The following DPP6 variants were observed in gnomAD, a reference collection of about 807,000 sequenced individuals.
DPP6 encodes A-type potassium channel modulatory protein DPP6.
A neutral mutation model predicts 122.6 loss-of-function variants in DPP6; 69 were observed. The observed-to-expected ratio is 0.56, with a 90% CI of 0.46 to 0.69. The LOEUF (loss-of-function observed/expected upper bound fraction) is 0.69. Among genes scored for constraint, DPP6 ranks in the 30% least tolerant of loss-of-function variants. DPP6 has a pLI of 0.00. For synonymous variants in DPP6, 418 were observed against 433.1 expected (o/e 0.97, Z 0.43); for missense variants, 928 against 1,116.9 (o/e 0.83, Z 2.41).
At chr7:154,245,014 A>G (rs1376265685) in intron 1 of DPP6, among the ~76,000 whole-genome samples, 1 of 150,162 alleles carries the variant, frequency 6.7e-6, no homozygotes, top group Non-Finnish European at 1.5e-5. Context: ...ACAATGGCAC[A>G]ATCTTGGCTC....
At chr7:154,590,227 G>A (rs1274243297) in intron 5 of DPP6, among the ~76,000 whole-genome samples, 5 of 152,142 alleles carry the variant, frequency 3.3e-5, no homozygotes, top group African/African-American at 4.8e-5. Flanking sequence ...TGGCCCAGGG[G>A]AGCATCTCTA....
intron 1 of DPP6, among the ~76,000 whole-genome samples, chr7:154,199,443 T>C (rs1016848577): frequency 7.2e-5 from 11 of 152,194 alleles, no homozygotes; most frequent in Admixed American, 5.2e-4. Flanking sequence ...ATAATTGATT[T>C]GCTTAAGGGA....
chr7:153,967,218 A>G (rs1795792298), intron 1 of DPP6, among the ~76,000 whole-genome samples: 1 of 152,050 alleles, frequency 6.6e-6, no homozygotes, highest in South Asian at 2.1e-4. Flanking sequence ...TGTGCTGGGG[A>G]TGCTGGTGGC....
At chr7:154,234,096 G>C (rs62484143) in intron 1 of DPP6, among the ~76,000 whole-genome samples, 10,535 of 152,280 alleles carry the variant, frequency 0.069, 739 homozygotes, top group African/African-American at 0.17. Context: ...GCCAAGTACA[G>C]TGCTAGGTGA....
At chr7:154,820,173 G>A (rs966208719) in intron 16 of DPP6, among the ~76,000 whole-genome samples, 9 of 152,244 alleles carry the variant, frequency 5.9e-5, no homozygotes, top group Non-Finnish European at 1.2e-4. Flanking sequence ...CTGGACGAGA[G>A]TATAGCCAAC....
intron 8 of DPP6, among the ~76,000 whole-genome samples, chr7:154,749,123 G>A (rs558763916): frequency 6.0e-5 from 9 of 149,458 alleles, no homozygotes; most frequent in Non-Finnish European, 1.3e-4. Flanking sequence ...GCATAGGACC[G>A]GAAAGAGAAG....
At chr7:154,192,895 T>G (rs1021396598) in intron 1 of DPP6, among the ~76,000 whole-genome samples, 1 of 152,248 alleles carries the variant, frequency 6.6e-6, no homozygotes, top group Non-Finnish European at 1.5e-5. Flanking sequence ...AACATGTCCC[T>G]GTTGTACGGA....
intron 1 of DPP6, among the ~76,000 whole-genome samples, chr7:154,308,314 T>TAA (rs5888568): frequency 2.6e-4 from 39 of 151,370 alleles, no homozygotes; most frequent in African/African-American, 4.6e-4. Context: ...CCGTGTTTGC[T>TAA]AAAAAAAATG....
chr7:154,401,428 C>T (rs1586167824), intron 1 of DPP6, among the ~76,000 whole-genome samples: 1 of 151,896 alleles, frequency 6.6e-6, no homozygotes, highest in Non-Finnish European at 1.5e-5. Flanking sequence ...ATTTTTTGAC[C>T]CTGAGAAAAG....
At chr7:154,467,858 G>A (rs1474691259) in intron 2 of DPP6, among the ~76,000 whole-genome samples, 1 of 152,088 alleles carries the variant, frequency 6.6e-6, no homozygotes, top group East Asian at 1.9e-4. Flanking sequence ...AGAGGTTTGG[G>A]GTCTGTGAAT....
chr7:154,091,840 G>A (rs1804871814), intron 1 of DPP6, among the ~76,000 whole-genome samples: 1 of 152,130 alleles, frequency 6.6e-6, no homozygotes, highest in African/African-American at 2.4e-5. Flanking sequence ...CCAGCATTTT[G>A]TTCATCGTGC....
At chr7:154,649,823 G>C (rs1422160022) in intron 6 of DPP6, among the ~76,000 whole-genome samples, 1 of 152,182 alleles carries the variant, frequency 6.6e-6, no homozygotes, top group Non-Finnish European at 1.5e-5. Flanking sequence ...TAGGAAATAA[G>C]AGGCAGGAGG....
rs1813585154 is a variant in DPP6, at chr7:154,381,325, G to A, written c.244-64889G>A. Reference sequence around the variant, plus strand: ...TACAAAGCATTTTGAAGGAAGAGAAGGAACTAACAGTTAGTGTTGTCAGTA... The same window carrying A: ...TACAAAGCATTTTGAAGGAAGAGAAAGAACTAACAGTTAGTGTTGTCAGTA... On this transcript the variant is annotated intron_variant, in intron 1 of 25. Coordinates refer to ENST00000377770, the MANE Select transcript of DPP6 (RefSeq NM_130797.4). 2.0e-5 allele frequency among the ~76,000 whole-genome samples: 3 copies of A among 152,196 alleles called. No individual in the cohort carries two copies. The South Asian group carries it at 6.2e-4, about 31-fold the overall frequency.
At chr7:154,583,674 TGGA>T (rs1832238355) in intron 5 of DPP6, among the ~76,000 whole-genome samples, 1 of 152,136 alleles carries the variant, frequency 6.6e-6, no homozygotes, top group Admixed American at 6.5e-5. Flanking sequence ...AAGCCTCGCG[TGGA>T]GGAGATCTGC....
rs377399863 is a variant in DPP6, at chr7:154,222,579, C to T, written c.243+169516C>T. Among the ~76,000 whole-genome samples, 21 of 148,112 alleles carry T rather than the reference C, an allele frequency of 1.4e-4. 1 individual carries two copies. The highest frequency in any genetic ancestry group is 4.4e-4 in the African/African-American group (17 of 38,558). On this transcript the variant is annotated intron_variant, in intron 1 of 25. Coordinates refer to ENST00000377770, the MANE Select transcript of DPP6 (RefSeq NM_130797.4). The stretch of plus-strand genomic sequence containing the variant: ...CTGAGGCAGGAGAATCAATTGAACC[C>T]GGGAGGTGGAGGTTGCAGTGAGCCG...
intron 7 of DPP6, among the ~76,000 whole-genome samples, chr7:154,680,724 A>G (rs1473190806): frequency 6.6e-6 from 1 of 152,088 alleles, no homozygotes; most frequent in Non-Finnish European, 1.5e-5. Context: ...AAGAAAATGT[A>G]TTGTTAAAAA....
chr7:153,780,121 G>T, the DPP6 span, among the ~76,000 whole-genome samples: 1 of 151,962 alleles, frequency 6.6e-6, no homozygotes, highest in South Asian at 2.1e-4. Flanking sequence ...GCAAGCAAAA[G>T]AAGGTGTGTT....
chr7:154,394,965 A>G (rs1034702640), intron 1 of DPP6, among the ~76,000 whole-genome samples: 1 of 152,178 alleles, frequency 6.6e-6, no homozygotes, highest in Non-Finnish European at 1.5e-5. Flanking sequence ...TTGAGTCTGT[A>G]TATCACTTTG....
intron 1 of DPP6, among the ~76,000 whole-genome samples, chr7:154,167,631 G>C (rs1797320831): frequency 6.6e-6 from 1 of 152,220 alleles, no homozygotes; most frequent in Non-Finnish European, 1.5e-5. Flanking sequence ...TCTGGGGACT[G>C]TGACCTGCAG....
Sources: gnomAD v4.1 joint callset for allele counts (sites outside exome capture counted in the v4.1 genomes callset) on GRCh38, gnomAD v4.1.1 for gene constraint, MANE v1.5 for transcripts, NCBI Gene and HGNC (gene_info 2026-07-23, HGNC 2026-07-21) for gene names.